Variants in PACRG observed in about 807,000 individuals in gnomAD.
PACRG encodes parkin coregulated.
Under a neutral mutation model 29.7 loss-of-function variants are expected in PACRG, and 29 were observed. That is an observed-to-expected ratio of 0.98 (90% CI 0.73 to 1.33). The LOEUF is 1.33. Among genes scored for constraint, PACRG ranks in the 40% most tolerant of loss-of-function variants. PACRG has a pLI of 0.00. For synonymous variants in PACRG, 116 were observed against 118.7 expected (o/e 0.98, Z 0.15); for missense variants, 279 against 316.2 (o/e 0.88, Z 0.89).
intron 4 of PACRG, among the ~76,000 whole-genome samples, chr6:163,261,746 C>A (rs927276005): frequency 6.6e-6 from 1 of 152,046 alleles, no homozygotes; most frequent in African/African-American, 2.4e-5. Flanking sequence ...GTCATTGTTC[C>A]CTAAACAATA....
intron 4 of PACRG, among the ~76,000 whole-genome samples, chr6:163,142,608 A>G (rs1015729290): frequency 2.6e-5 from 4 of 152,238 alleles, no homozygotes; most frequent in Non-Finnish European, 4.4e-5. Context: ...AGAAGAAGGT[A>G]GGATAACTTA....
chr6:163,262,727 A>G lies in PACRG; in HGVS notation c.614-52100A>G, dbSNP rs117049416. 3.7e-4 allele frequency among the ~76,000 whole-genome samples: 56 copies of G among 152,130 alleles called. No homozygotes were observed. In the East Asian group the frequency reaches 8.3e-3, roughly 23 times the overall value. ...TCATCACATTTTTATCAGGAAACAAATGGATCACTGGCTTGCACAAAATAC... is the reference window on the plus strand; with the variant it reads ...TCATCACATTTTTATCAGGAAACAAGTGGATCACTGGCTTGCACAAAATAC... On this transcript the variant is annotated intron_variant, in intron 4 of 4. Coordinates refer to ENST00000366888, the MANE Select transcript of PACRG (RefSeq NM_001080379.2).
At chr6:163,096,141 G>A (rs1011160383) in intron 4 of PACRG, among the ~76,000 whole-genome samples, 6 of 152,184 alleles carry the variant, frequency 3.9e-5, no homozygotes, top group Admixed American at 1.3e-4. Context: ...TAGGGGAGAT[G>A]CAGGGAATTG....
At chr6:162,995,600 C>G (rs923658269) in intron 2 of PACRG, among the ~76,000 whole-genome samples, 1 of 152,244 alleles carries the variant, frequency 6.6e-6, no homozygotes, top group Non-Finnish European at 1.5e-5. Context: ...TGCTTCGGCT[C>G]GCGCCTGGTG....
intron 2 of PACRG, among the ~76,000 whole-genome samples, chr6:162,941,297 G>C (rs945826887): frequency 3.3e-5 from 5 of 152,136 alleles, no homozygotes; most frequent in African/African-American, 1.2e-4. Context: ...GTGACTCCCT[G>C]TTCTGTTGGA....
intron 2 of PACRG, among the ~76,000 whole-genome samples, chr6:163,014,531 T>A (rs200334708): frequency 8.8e-6 from 1 of 113,538 alleles, no homozygotes; most frequent in Non-Finnish European, 1.8e-5. Context: ...TTTTTTTTTT[T>A]ACTTCTTAAT....
intron 2 of PACRG, among the ~76,000 whole-genome samples, chr6:162,835,298 G>T (rs770033438): frequency 6.6e-6 from 1 of 151,950 alleles, no homozygotes; most frequent in Non-Finnish European, 1.5e-5. Flanking sequence ...TATTCTGTTT[G>T]CCATTTGTCA....
At chr6:163,097,022 G>A (rs377340588) in intron 4 of PACRG, among the ~76,000 whole-genome samples, 17 of 152,038 alleles carry the variant, frequency 1.1e-4, no homozygotes, top group African/African-American at 2.7e-4. Flanking sequence ...CCCTTCCCCC[G>A]AAGACAGTTT....
intron 2 of PACRG, among the ~76,000 whole-genome samples, chr6:162,942,149 G>A (rs987185019): frequency 6.6e-6 from 1 of 152,092 alleles, no homozygotes; most frequent in Non-Finnish European, 1.5e-5. Flanking sequence ...AAACCTCTAT[G>A]GAATTTTGAA....
rs1426457605 is a variant in PACRG, at chr6:163,054,627, ATGAG to A, written c.292-7521_292-7518del. Among the ~76,000 whole-genome samples, 4 of 152,194 alleles carry A rather than the reference ATGAG, an allele frequency of 2.6e-5. No homozygotes were observed. The East Asian group carries it at 7.7e-4, about 29-fold the overall frequency. ...ATGCTCACAGACAATTTGAATTTGA[ATGAG>A]TAAGACAGGGTTTTGTTGGGTGAAA... On this transcript the variant is annotated intron_variant, in intron 2 of 4. Transcript: ENST00000366888.
chr6:163,211,100 CT>C (rs11444292), intron 4 of PACRG, among the ~76,000 whole-genome samples: 2 of 151,994 alleles, frequency 1.3e-5, no homozygotes, highest in African/African-American at 2.4e-5. Context: ...CTCCCACCAC[CT>C]TTTTTTTAAA....
At chr6:163,177,501 A>C (rs1451675612) in intron 4 of PACRG, among the ~76,000 whole-genome samples, 1 of 152,000 alleles carries the variant, frequency 6.6e-6, no homozygotes, top group Non-Finnish European at 1.5e-5. Context: ...TACACAAAGG[A>C]AAGAAAATAA....
chr6:163,129,651 C>T (rs1433924303), intron 4 of PACRG, among the ~76,000 whole-genome samples: 1 of 152,184 alleles, frequency 6.6e-6, no homozygotes, highest in African/African-American at 2.4e-5. Context: ...CAGCAGCCTC[C>T]ATCTTCCTAC....
chr6:162,780,029 C>CAGT (rs1253498744), intron 1 of PACRG, among the ~76,000 whole-genome samples: 1 of 152,116 alleles, frequency 6.6e-6, no homozygotes, highest in African/African-American at 2.4e-5. Flanking sequence ...ATTCACAGGA[C>CAGT]AGTATGACAC....
In PACRG at chr6:163,166,458, A is replaced by C. The variant is rs181448621; in HGVS notation, c.613+77050A>C. 3.2e-3 allele frequency among the ~76,000 whole-genome samples: 491 copies of C among 152,344 alleles called. 4 individuals carry two copies. Among genetic ancestry groups the C allele is most frequent in the African/African-American group, 0.011 (469 of 41,562 alleles). On this transcript the variant is annotated intron_variant, in intron 4 of 4. Coordinates refer to ENST00000366888, the MANE Select transcript of PACRG (RefSeq NM_001080379.2). ...CCTTTGGGCAAAATACATAAACCAA[A>C]TTGACTGCAACCAAATGTCATATTA...
At chr6:162,756,443 G>A (rs1373643919) in intron 1 of PACRG, among the ~76,000 whole-genome samples, 1 of 152,028 alleles carries the variant, frequency 6.6e-6, no homozygotes, top group Non-Finnish European at 1.5e-5. Context: ...TCTACTTTGT[G>A]TGTTATAAGT....
intron 4 of PACRG, among the ~76,000 whole-genome samples, chr6:163,261,332 T>C (rs575574900): frequency 2.0e-5 from 3 of 152,092 alleles, no homozygotes; most frequent in African/African-American, 7.2e-5. Context: ...GCCATGGTGG[T>C]TTGCTGCACC....
chr6:162,936,056 C>T (rs1296497670), intron 2 of PACRG, among the ~76,000 whole-genome samples: 1 of 152,180 alleles, frequency 6.6e-6, no homozygotes, highest in Non-Finnish European at 1.5e-5. Flanking sequence ...GAAAGCCTCA[C>T]AATCATGGCA....
At chr6:163,077,195 T>C (rs1562892229) in intron 3 of PACRG, among the ~76,000 whole-genome samples, 1 of 152,198 alleles carries the variant, frequency 6.6e-6, no homozygotes, top group Non-Finnish European at 1.5e-5. Context: ...ATTTAAGTGG[T>C]GAGAGTACAT....
Sources: allele counts gnomAD v4.1 joint callset (sites outside exome capture counted in the v4.1 genomes callset), GRCh38; gene constraint gnomAD v4.1.1; transcripts MANE v1.5; gene names NCBI Gene and HGNC (gene_info 2026-07-23, HGNC 2026-07-21).